The following TYK2 variants were observed in gnomAD, a reference collection of about 807,000 sequenced individuals.
The protein encoded by TYK2 is tyrosine kinase 2, also known as non-receptor tyrosine-protein kinase TYK2.
In TYK2, 65 loss-of-function variants were observed where a neutral mutation model predicts 130.9. The ratio of observed to expected loss-of-function variants is 0.50; its 90% CI spans 0.41 to 0.61. The LOEUF (loss-of-function observed/expected upper bound fraction) is 0.61, where lower values mean the gene tolerates loss of function less well. TYK2 is among the 20% of genes least tolerant of loss of function. The pLI is 0.00. For synonymous variants in TYK2, 647 were observed against 658.9 expected (o/e 0.98, Z 0.28); for missense variants, 1,378 against 1,610.7 (o/e 0.86, Z 2.47).
rs895060492 is a variant in TYK2, at chr19:10,353,857, G to C, written c.2908+185C>G. ...GCTCCCGTCCATCCTGGCCCCAGCAGGTAGCACCCCCCAGATGGGAAGGAG... is the reference window on the plus strand; with the variant it reads ...GCTCCCGTCCATCCTGGCCCCAGCACGTAGCACCCCCCAGATGGGAAGGAG... On this transcript the variant is annotated intron_variant, in intron 20 of 24. Transcript: ENST00000525621. The surrounding 1 kb of genome is among the most constrained non-coding windows in gnomAD (Gnocchi z 6.9). The C allele has an allele frequency of 3.9e-5, 29 of 740,344 alleles. No individual in the cohort carries two copies. The highest frequency in any genetic ancestry group is 6.9e-5 in the South Asian group (4 of 58,200). 45.9% of individuals were successfully genotyped at this position (740,344 alleles called of 1,614,324 possible). A position where few individuals can be genotyped will look rare whatever the true frequency, so the allele number is the denominator to read the frequency against.
chr19:10,357,111 G>A lies in TYK2; in HGVS notation c.2467-393C>T, dbSNP rs644378. On this transcript the variant is annotated intron_variant, in intron 17 of 24. Transcript: ENST00000525621. Reference sequence around the variant, plus strand: ...CTTAGATAAAACCTCTTCTGGGGCCGGGCACTGTGGCTCATGCCTGTAATC... The same window carrying A: ...CTTAGATAAAACCTCTTCTGGGGCCAGGCACTGTGGCTCATGCCTGTAATC... 9.0e-3 allele frequency: 3,466 copies of A among 383,474 alleles called. 107 individuals carry two copies. The highest frequency in any genetic ancestry group is 0.067 in the African/African-American group (3,249 of 48,670). 23.8% of individuals were successfully genotyped at this position (383,474 alleles called of 1,614,324 possible). A position where few individuals can be genotyped will look rare whatever the true frequency, so the allele number is the denominator to read the frequency against.
At chr19:10,379,152 C>A (rs1184232531) in intron 2 of TYK2, among the ~76,000 whole-genome samples, 1 of 151,642 alleles carries the variant, frequency 6.6e-6, no homozygotes, top group Non-Finnish European at 1.5e-5. Context: ...AGCCACTGTG[C>A]CCGGCCTCTA....
At chr19:10,356,874 G>C (rs1271740736) in intron 17 of TYK2, 156 bp from the exon 18 acceptor site, 4 of 760,838 alleles carry the variant, frequency 5.3e-6, no homozygotes, top group South Asian at 4.7e-5. Context: ...CAAAGTGGGA[G>C]GACGTGCTCA....
rs147991080 is a variant in TYK2 at position 10,364,639 on chromosome 19, G to A, written c.1342C>T (p.Arg448Trp). 121 of 1,613,798 alleles carry A rather than the reference G, an allele frequency of 7.5e-5. No individual in the cohort carries two copies. Among genetic ancestry groups the A allele is most frequent in the African/African-American group, 1.1e-4 (8 of 75,064 alleles). Residue 448 changes from arginine to tryptophan, a missense_variant, in exon 9 of 25, where the codon CGG becomes TGG. Transcript: ENST00000525621. The surrounding 1 kb of genome is among the most constrained non-coding windows in gnomAD (Gnocchi z 4.9). ...AGCAGGGGTCCGTGGATCCCATCCC[G>A]GATGCTCATCACCAGCCGTGGGGGA... Reference protein sequence around the residue: ...VAPPRLVMSIRDGIHGPLLEP... With the variant: ...VAPPRLVMSIWDGIHGPLLEP...
Position 10,361,815 on chromosome 19 carries a change from T to C in TYK2, c.1914A>G (p.Arg638=). 1 of 1,613,608 alleles carries C rather than the reference T, an allele frequency of 6.2e-7. No individual in the cohort carries two copies. The highest frequency in any genetic ancestry group is 8.5e-7 in the Non-Finnish European group (1 of 1,179,900). The change falls in exon 13 of 25, where the codon CGA becomes CGG. Residue 638 remains arginine, a synonymous_variant. Coordinates refer to ENST00000525621, the MANE Select transcript of TYK2 (RefSeq NM_003331.5). This position sits in a 1 kb window ranked among gnomAD's most constrained non-coding sequence, Gnocchi z 4.0. ...TAGGGTCCAGCACTTTGAGCACCAC[T>C]CGTAGCTCCTGCCCACGGTCCCTGC... ...VPGRDRGQEL[R]VVLKVLDPSH...
At chr19:10,371,997 GT>G (rs1323159062) in intron 3 of TYK2, among the ~76,000 whole-genome samples, 164 of 145,698 alleles carry the variant, frequency 1.1e-3, no homozygotes, top group Middle Eastern at 3.6e-3. Context: ...CTGAGTTTTT[GT>G]TTTTTTTTTT....
chr19:10,353,780 G>C lies in TYK2; in HGVS notation c.2909-134C>G, dbSNP rs2040935734. The C allele has an allele frequency of 1.4e-6, 1 of 712,948 alleles. No individual in the cohort carries two copies. Among genetic ancestry groups the C allele is most frequent in the African/African-American group, 1.8e-5 (1 of 55,950 alleles). 44.2% of individuals were successfully genotyped at this position (712,948 alleles called of 1,614,324 possible). A position where few individuals can be genotyped will look rare whatever the true frequency, so the allele number is the denominator to read the frequency against. On this transcript the variant is annotated intron_variant, in intron 20 of 24. Transcript: ENST00000525621. This position sits in a 1 kb window ranked among gnomAD's most constrained non-coding sequence, Gnocchi z 6.9. The stretch of plus-strand genomic sequence containing the variant: ...CCGCGCACACTAGACCCAGTTCTCA[G>C]GTGGGATGGACCCATCCAGAACCCC...
rs116598769 is a variant in TYK2, at chr19:10,357,425, G to A, written c.2466+339C>T. On this transcript the variant is annotated intron_variant, in intron 17 of 24. Transcript: ENST00000525621. ...CACCACACTCATGAACCTCCTTTGG[G>A]AAGCCTTGTCTGACCCCACTGCTGG... 2.6e-3 allele frequency: 1,746 copies of A among 677,472 alleles called. 23 individuals are homozygous for A. The African/African-American group carries it at 0.026, about 10-fold the overall frequency. The allele number at this position is 677,472 out of a possible 1,614,324, so 42.0% of individuals were successfully genotyped here.
intron 3 of TYK2, among the ~76,000 whole-genome samples, chr19:10,376,607 CT>C: frequency 8.1e-6 from 1 of 123,010 alleles, no homozygotes; most frequent in Non-Finnish European, 1.7e-5. Flanking sequence ...CGCACCTGGC[CT>C]TTTTTTATTT....
chr19:10,353,925 G>GCA lies in TYK2; in HGVS notation c.2908+115_2908+116dup. 8.8e-7 allele frequency: 1 copy of GCA among 1,139,552 alleles called. No homozygotes were observed. Among genetic ancestry groups the GCA allele is most frequent in the Non-Finnish European group, 1.3e-6 (1 of 776,144 alleles). The allele number at this position is 1,139,552 out of a possible 1,614,324, so 70.6% of individuals were successfully genotyped here. On this transcript the variant is annotated intron_variant, in intron 20 of 24. Transcript: ENST00000525621. This position sits in a 1 kb window ranked among gnomAD's most constrained non-coding sequence, Gnocchi z 6.9. ...ACCCAGATGCCAAGAACCGCGTACT[G>GCA]CAGCCTGGGGTTGAGAGTCTCTAAT...
chr19:10,368,074 A>G lies in TYK2; in HGVS notation c.446T>C (p.Phe149Ser), dbSNP rs1394628611. The G allele has an allele frequency of 1.2e-6, 2 of 1,614,136 alleles. No homozygotes were observed. Among genetic ancestry groups the G allele is most frequent in the Non-Finnish European group, 1.7e-6 (2 of 1,180,016 alleles). Residue 149 changes from phenylalanine to serine, a missense_variant, in exon 5 of 25, where the codon TTT becomes TCT. By Grantham distance (155) the Phe-to-Ser change is radical. Transcript: ENST00000525621. ...TCATACCTGCTCAAAGAGGTACTCAAATGAGGCTGGGTCCAGGAGTTGCAT... is the reference window on the plus strand; with the variant it reads ...TCATACCTGCTCAAAGAGGTACTCAGATGAGGCTGGGTCCAGGAGTTGCAT... Reference protein sequence around the residue: ...QGMQLLDPASFEYLFEQGKHE... With the variant: ...QGMQLLDPASSEYLFEQGKHE...
At chr19:10,373,423 C>T (rs183428645) in intron 3 of TYK2, among the ~76,000 whole-genome samples, 3 of 152,112 alleles carry the variant, frequency 2.0e-5, no homozygotes, top group South Asian at 2.1e-4. Flanking sequence ...ACTGCAACTC[C>T]GCCTCCCAGG....
chr19:10,358,116 C>A lies in TYK2; in HGVS notation c.2198G>T (p.Gly733Val), dbSNP rs778617703. Residue 733 changes from glycine (G) to valine (V), a missense_variant, in exon 16 of 25, where the codon GGT (glycine) becomes GTT (valine). By Grantham distance (109) the Gly-to-Val change is moderately radical (BLOSUM62 -3). Transcript: ENST00000525621. ...SYLENKNLVH[G>V]NVCGRNILLA... Reference sequence around the variant, plus strand: ...CAGGATGTTCCGGCCACACACATTACCATGAACCAGGTTCTTGTTCTCCTG... The same window carrying A: ...CAGGATGTTCCGGCCACACACATTAACATGAACCAGGTTCTTGTTCTCCTG... 3 of 1,610,664 alleles carry A rather than the reference C, an allele frequency of 1.9e-6. No homozygotes were observed. The highest frequency in any genetic ancestry group is 2.5e-6 in the Non-Finnish European group (3 of 1,178,922).
rs761736148 is a variant in TYK2 at position 10,378,282 on chromosome 19, G to T, written c.125C>A (p.Pro42His). The change falls in exon 3 of 25, where the codon CCC (proline) becomes CAC (histidine). Residue 42 changes from proline (P) to histidine (H), a missense_variant. Coordinates refer to ENST00000525621, the MANE Select transcript of TYK2 (RefSeq NM_003331.5). ...CGATGACTCACTGAAAGTGACCCAG[G>T]GCTCCCCGCCGCCTGGACCAGCCCA... ...LHWAGPGGGEPWVTFSESSLT... is the reference protein window; with the variant it reads ...LHWAGPGGGEHWVTFSESSLT... 4 of 1,612,792 alleles carry T rather than the reference G, an allele frequency of 2.5e-6. No individual in the cohort carries two copies. The highest frequency in any genetic ancestry group is 1.6e-4 in the Middle Eastern group (1 of 6,084).
At position 10,352,915 on chromosome 19, in the gene TYK2, C is replaced by A; in HGVS notation, c.3200+11G>T. 1 of 1,603,112 alleles carries A rather than the reference C, an allele frequency of 6.2e-7. No homozygotes were observed. The highest frequency in any genetic ancestry group is 8.5e-7 in the Non-Finnish European group (1 of 1,175,906). On this transcript the variant is annotated intron_variant, in intron 22 of 24. Coordinates refer to ENST00000525621, the MANE Select transcript of TYK2 (RefSeq NM_003331.5). ...CCCAGCACCCCCTCAGACTGCACCC[C>A]GCCTGGTCACCAGAACACGGGGCTG...
At chr19:10,356,819 C>T (rs1462729899) in intron 17 of TYK2, 101 bp from the exon 18 acceptor site, 13 of 1,271,856 alleles carry the variant, frequency 1.0e-5, no homozygotes, top group African/African-American at 3.0e-5. Context: ...GCCAGGTGCC[C>T]GCTCTTATCA....
rs1216724607 is a variant in TYK2 at position 10,368,422 on chromosome 19, G to C, written c.194-4C>G. The C allele has an allele frequency of 6.2e-7, 1 of 1,614,064 alleles. No individual in the cohort carries two copies. The highest frequency in any genetic ancestry group is 1.1e-5 in the South Asian group (1 of 91,066). On this transcript the variant is annotated splice_polypyrimidine_tract_variant and splice_region_variant and intron_variant, in intron 3 of 24. Transcript: ENST00000525621. ...TTGAAGCAAGGAGGAGTGATACCTG[G>C]ATCAGGTGAGAAACGAGGTCAGGAG...
chr19:10,351,854 C>T lies in TYK2; in HGVS notation c.3318+580G>A, dbSNP rs558172109. ...ACCGGGTTCAAGCAATTCTCCCTGC[C>T]TCAGCCGCCTGAGTAGCTGGGATTA... On this transcript the variant is annotated intron_variant, in intron 23 of 24. Coordinates refer to ENST00000525621, the MANE Select transcript of TYK2 (RefSeq NM_003331.5). Among the ~76,000 whole-genome samples, 7 of 152,020 alleles carry T rather than the reference C, an allele frequency of 4.6e-5. No homozygotes were observed. The South Asian group carries it at 1.5e-3, about 32-fold the overall frequency.
At position 10,352,969 on chromosome 19, in the gene TYK2, C is replaced by A. The variant is rs752395240; in HGVS notation, c.3157G>T (p.Glu1053Ter). 1 of 1,607,074 alleles carries A rather than the reference C, an allele frequency of 6.2e-7. No individual in the cohort carries two copies. Among genetic ancestry groups the A allele is most frequent in the Non-Finnish European group, 8.5e-7 (1 of 1,176,354 alleles). Reference protein sequence around the residue: ...GLAKAVPEGHEYYRVREDGDS... With the variant: ...GLAKAVPEGH Reference sequence around the variant, plus strand: ...CCATCCTCGCGCACGCGGTAGTACTCGTGGCCTTCGGGCACGGCCTTGGCT... The same window carrying A: ...CCATCCTCGCGCACGCGGTAGTACTAGTGGCCTTCGGGCACGGCCTTGGCT... The change falls in exon 22 of 25, where the codon GAG becomes TAG. Residue 1053 changes from glutamate (E) to a stop codon, truncating the protein, a stop_gained. Coordinates refer to ENST00000525621, the MANE Select transcript of TYK2 (RefSeq NM_003331.5). LOFTEE classifies it high-confidence loss of function.
Sources: allele counts gnomAD v4.1 joint callset (sites outside exome capture counted in the v4.1 genomes callset), GRCh38; gene constraint gnomAD v4.1.1; non-coding constraint Gnocchi (gnomAD v3.1); transcripts MANE v1.5; gene names NCBI Gene and HGNC (gene_info 2026-07-23, HGNC 2026-07-21).